The following MYEF2 variants were observed in gnomAD, a reference collection of about 807,000 sequenced individuals.
The protein encoded by MYEF2 is myelin expression factor 2, also known as myelin gene expression factor 2.
A neutral mutation model predicts 75.2 loss-of-function variants in MYEF2; 37 were observed. The ratio of observed to expected loss-of-function variants is 0.49; its 90% confidence interval spans 0.38 to 0.65. The LOEUF (loss-of-function observed/expected upper bound fraction) is 0.65, where lower values mean the gene tolerates loss of function less well. Ranked by LOEUF, MYEF2 falls within the 30% of genes least tolerant of loss-of-function variation. The pLI is 0.00. For missense variants in MYEF2, 634 were observed against 771.4 expected (o/e 0.82, Z 2.11); for synonymous variants, 195 against 241.6 (o/e 0.81, Z 1.79).
intron 1 of MYEF2, among the ~76,000 whole-genome samples, chr15:48,173,813 CTG>C (rs1429101166): frequency 6.6e-6 from 1 of 151,974 alleles, no homozygotes; most frequent in Non-Finnish European, 1.5e-5. Context: ...GAGCTATACA[CTG>C]AAAAACGATC....
chr15:48,136,693 G>C lies in MYEF2; in HGVS notation c.*6215C>G. On this transcript the variant is annotated 3_prime_UTR_variant, in exon 17 of 17. Coordinates refer to ENST00000324324, the MANE Select transcript of MYEF2 (RefSeq NM_016132.5). Reference sequence around the variant, plus strand: ...ATTTCTCTTTTGTAGGTATGAAGGGGCTTTACTGCTTTTGATATATGGATT... The same window carrying C: ...ATTTCTCTTTTGTAGGTATGAAGGGCCTTTACTGCTTTTGATATATGGATT... The C allele has an allele frequency of 5.0e-6, 8 of 1,606,452 alleles. No homozygotes were observed. Among genetic ancestry groups the C allele is most frequent in the Non-Finnish European group, 6.8e-6 (8 of 1,175,906 alleles).
At chr15:48,154,663 A>C (rs2140859975) in intron 9 of MYEF2, among the ~76,000 whole-genome samples, 1 of 152,302 alleles carries the variant, frequency 6.6e-6, no homozygotes, top group South Asian at 2.1e-4. Flanking sequence ...TACAAGTTAA[A>C]CTATCTTTGA....
intron 1 of MYEF2, among the ~76,000 whole-genome samples, chr15:48,175,084 ATATTT>A (rs886494150): frequency 3.3e-5 from 5 of 152,164 alleles, no homozygotes; most frequent in African/African-American, 1.2e-4. Flanking sequence ...GATATATATT[ATATTT>A]TATGTTTACA....
chr15:48,150,059 C>T (rs1176348426), intron 14 of MYEF2: 1 of 152,104 alleles, frequency 6.6e-6, no homozygotes, highest in Admixed American at 6.6e-5. Context: ...CTCATACCTA[C>T]TTCATTCTTA....
intron 4 of MYEF2, 29 bp from the exon 5 acceptor site, chr15:48,166,055 G>A: frequency 6.4e-7 from 1 of 1,568,642 alleles, no homozygotes; most frequent in Non-Finnish European, 8.7e-7. Flanking sequence ...TATAGGAAAT[G>A]TTTATGTGCT....
rs1040449084 is a variant in MYEF2, at chr15:48,134,662, A to T, written c.*8246T>A. The T allele has an allele frequency of 1.4e-5, 11 of 762,972 alleles. No individual in the cohort carries two copies. The highest frequency in any genetic ancestry group is 2.3e-5 in the Non-Finnish European group (11 of 470,308). The allele number at this position is 762,972 out of a possible 1,614,324, so 47.3% of individuals were successfully genotyped here. A position where few individuals can be genotyped will look rare whatever the true frequency, so the allele number is the denominator to read the frequency against. ...GCAATCAAATTTATTAATCAGTAGA[A>T]AAACAACATGTATTCAATTTAATGT... On this transcript the variant is annotated 3_prime_UTR_variant, in exon 17 of 17. Coordinates refer to ENST00000324324, the MANE Select transcript of MYEF2 (RefSeq NM_016132.5).
intron 3 of MYEF2, 58 bp from the exon 4 acceptor site, chr15:48,166,186 A>T (rs1200928005): frequency 1.5e-6 from 2 of 1,353,588 alleles, no homozygotes; most frequent in African/African-American, 3.0e-5. Flanking sequence ...AGATCAGTAC[A>T]TGAAGTTAAT....
At chr15:48,150,650 A>G (rs2039457979) in intron 14 of MYEF2, among the ~76,000 whole-genome samples, 1 of 152,036 alleles carries the variant, frequency 6.6e-6, no homozygotes, top group Admixed American at 6.6e-5. Flanking sequence ...TACCTCTTTC[A>G]ACCTTAGCCT....
At position 48,138,901 on chromosome 15, in the gene MYEF2, TA is replaced by T; in HGVS notation, c.*4006del. 1 of 1,181,404 alleles carries T rather than the reference TA, an allele frequency of 8.5e-7. No individual in the cohort carries two copies. Among genetic ancestry groups the T allele is most frequent in the Non-Finnish European group, 1.2e-6 (1 of 822,318 alleles). 73.2% of individuals were successfully genotyped at this position (1,181,404 alleles called of 1,614,324 possible). A position where few individuals can be genotyped will look rare whatever the true frequency, so the allele number is the denominator to read the frequency against. ...GCTAATTTATTTCAATATAACTTTC[TA>T]AATAGGCATTTCTAACTTAATTAGC... On this transcript the variant is annotated 3_prime_UTR_variant, in exon 17 of 17. Coordinates refer to ENST00000324324, the MANE Select transcript of MYEF2 (RefSeq NM_016132.5).
intron 5 of MYEF2, among the ~76,000 whole-genome samples, chr15:48,164,879 T>C (rs2040079817): frequency 6.6e-6 from 1 of 152,198 alleles, no homozygotes; most frequent in Admixed American, 6.6e-5. Flanking sequence ...AAACAGAATA[T>C]AGTATAAACG....
At chr15:48,168,312 T>C (rs1229147086) in intron 2 of MYEF2, among the ~76,000 whole-genome samples, 1 of 152,052 alleles carries the variant, frequency 6.6e-6, no homozygotes, top group Non-Finnish European at 1.5e-5. Flanking sequence ...GCTAAATGTA[T>C]TGCTTAACTA....
rs977961043 is a variant in MYEF2 at position 48,142,561 on chromosome 15, A to G, written c.*347T>C. On this transcript the variant is annotated 3_prime_UTR_variant, in exon 17 of 17. Coordinates refer to ENST00000324324, the MANE Select transcript of MYEF2 (RefSeq NM_016132.5). ...TATTATAAAACAGAAGTTTGGGGGG[A>G]AAAAATCTATGTTTTACCATACAAT... is the stretch of plus-strand genomic sequence containing the variant. 2 of 480,288 alleles carry G rather than the reference A, an allele frequency of 4.2e-6. No homozygotes were observed. Among genetic ancestry groups the G allele is most frequent in the Non-Finnish European group, 3.6e-6 (1 of 281,182 alleles). The allele number at this position is 480,288 out of a possible 1,614,324, so 29.8% of individuals were successfully genotyped here. A position where few individuals can be genotyped will look rare whatever the true frequency, so the allele number is the denominator to read the frequency against.
rs552942646 is a variant in MYEF2, at chr15:48,165,885, C to T, written c.525+48G>A. ...TACCAAATTGAAAATCCAAGGAAAA[C>T]ATGTCTTTATAGTCAAATGTTTAAA... On this transcript the variant is annotated intron_variant, in intron 5 of 16. Transcript: ENST00000324324. 40 of 1,331,128 alleles carry T rather than the reference C, an allele frequency of 3.0e-5. 2 individuals are homozygous for T. The South Asian group carries it at 5.3e-4, about 18-fold the overall frequency. The allele number at this position is 1,331,128 out of a possible 1,614,324, so 82.5% of individuals were successfully genotyped here. A position where few individuals can be genotyped will look rare whatever the true frequency, so the allele number is the denominator to read the frequency against.
intron 6 of MYEF2, 91 bp downstream of exon 6, chr15:48,159,522 A>T (rs1399833197): frequency 7.4e-6 from 9 of 1,213,970 alleles, no homozygotes; most frequent in Non-Finnish European, 1.0e-5. Context: ...GTTAAAAATA[A>T]GCAAAATGTT....
At chr15:48,166,779 T>C (rs986521106) in intron 3 of MYEF2, among the ~76,000 whole-genome samples, 2 of 151,794 alleles carry the variant, frequency 1.3e-5, no homozygotes, top group African/African-American at 2.4e-5. Flanking sequence ...TAATGAAACA[T>C]TGCTAAGAGT....
chr15:48,177,937 C>A (rs2040609589), intron 1 of MYEF2, 140 bp downstream of exon 1: 2 of 1,164,474 alleles, frequency 1.7e-6, no homozygotes, highest in Non-Finnish European at 2.4e-6. Context: ...GCTGCACCTG[C>A]TCCTCAGGAA....
At chr15:48,168,396 C>T (rs776118144) in intron 2 of MYEF2, among the ~76,000 whole-genome samples, 2 of 152,066 alleles carry the variant, frequency 1.3e-5, no homozygotes, top group Non-Finnish European at 1.5e-5. Flanking sequence ...TTCTTGGTGG[C>T]ATGCATATGC....
chr15:48,146,198 A>G (rs1267761820), intron 16 of MYEF2, among the ~76,000 whole-genome samples: 1 of 151,968 alleles, frequency 6.6e-6, no homozygotes, highest in East Asian at 1.9e-4. Flanking sequence ...GACTATGCCC[A>G]TTTGACCCTA....
At chr15:48,177,988 T>G in intron 1 of MYEF2, 89 bp downstream of exon 1, 2 of 1,483,844 alleles carry the variant, frequency 1.3e-6, no homozygotes, top group Non-Finnish European at 1.8e-6. Flanking sequence ...GGGGTGGTTG[T>G]CCCCCATCGG....
Sources: allele counts gnomAD v4.1 joint callset (sites outside exome capture counted in the v4.1 genomes callset), GRCh38; gene constraint gnomAD v4.1.1; transcripts MANE v1.5; gene names NCBI Gene and HGNC (gene_info 2026-07-23, HGNC 2026-07-21).